The following ARHGEF17 variants were observed in gnomAD, a reference collection of about 807,000 sequenced individuals.
ARHGEF17 encodes Rho guanine nucleotide exchange factor 17.
ARHGEF17 carries 80 observed loss-of-function variants against 174.0 expected under a neutral mutation model. The observed-to-expected ratio is 0.46, with a 90% CI of 0.38 to 0.55. ARHGEF17 has a LOEUF of 0.55. ARHGEF17 is among the 20% of genes least tolerant of loss of function. ARHGEF17 has a pLI of 0.00. For synonymous variants in ARHGEF17, 1,311 were observed against 1,189.1 expected (o/e 1.10, Z -2.11); for missense variants, 2,886 against 2,839.7 (o/e 1.02, Z -0.37).
rs577348062 is a variant in ARHGEF17 at position 73,356,355 on chromosome 11, C to T, written c.3840+4C>T. On this transcript the variant is annotated splice_donor_region_variant and intron_variant, in intron 6 of 20. Transcript: ENST00000263674. ...TCACATCGAGGGCATGGAGGATGTG[C>T]GTGCGCCCTGCCCCACCCCACCCTA... 60 of 1,604,804 alleles carry T rather than the reference C, an allele frequency of 3.7e-5. No homozygotes were observed. Among genetic ancestry groups the T allele is most frequent in the African/African-American group, 8.0e-5 (6 of 74,952 alleles).
intron 1 of ARHGEF17, among the ~76,000 whole-genome samples, chr11:73,341,180 A>T (rs1359277132): frequency 6.6e-6 from 1 of 152,168 alleles, no homozygotes; most frequent in Non-Finnish European, 1.5e-5. Flanking sequence ...ACTGCCATAC[A>T]TGGTTAAGGT....
intron 1 of ARHGEF17, among the ~76,000 whole-genome samples, chr11:73,334,995 TAGA>T (rs1865264097): frequency 1.3e-5 from 2 of 152,162 alleles, no homozygotes; most frequent in Non-Finnish European, 2.9e-5. Flanking sequence ...GAGCCAGTGT[TAGA>T]CATTTTGAAT....
intron 1 of ARHGEF17, among the ~76,000 whole-genome samples, chr11:73,332,830 C>T (rs1454826862): frequency 6.6e-6 from 1 of 152,174 alleles, no homozygotes; most frequent in Non-Finnish European, 1.5e-5. Flanking sequence ...AGGGCCTACC[C>T]AGGAGGCTTA....
intron 1 of ARHGEF17, among the ~76,000 whole-genome samples, chr11:73,334,340 G>T (rs1413162769): frequency 6.6e-6 from 1 of 152,142 alleles, no homozygotes; most frequent in Non-Finnish European, 1.5e-5. Flanking sequence ...AGAGCAAGGA[G>T]GGCAGCCCAG....
chr11:73,367,949 G>C lies in ARHGEF17; in HGVS notation c.*169G>C. The C allele has an allele frequency of 2.9e-6, 2 of 688,012 alleles. No individual in the cohort carries two copies. The highest frequency in any genetic ancestry group is 4.7e-6 in the Non-Finnish European group (2 of 429,762). 42.6% of individuals were successfully genotyped at this position (688,012 alleles called of 1,614,324 possible). A position where few individuals can be genotyped will look rare whatever the true frequency, so the allele number is the denominator to read the frequency against. On this transcript the variant is annotated 3_prime_UTR_variant, in exon 21 of 21. Transcript: ENST00000263674. Reference sequence around the variant, plus strand: ...AGCATTCCTGATGGAACACCCACTGGCCAGCCAGGCCATGGCTTCTCCCGA... The same window carrying C: ...AGCATTCCTGATGGAACACCCACTGCCCAGCCAGGCCATGGCTTCTCCCGA...
At chr11:73,329,308 A>C in intron 1 of ARHGEF17, among the ~76,000 whole-genome samples, 2 of 100,592 alleles carry the variant, frequency 2.0e-5, no homozygotes, top group Non-Finnish European at 1.8e-5. Flanking sequence ...CCTTATCAGT[A>C]TTTTGAGAGC....
In ARHGEF17 at chr11:73,311,511, G is replaced by A. The variant is rs766279549; in HGVS notation, c.2873G>A (p.Arg958His). 1 of 1,613,104 alleles carries A rather than the reference G, an allele frequency of 6.2e-7. No homozygotes were observed. Among genetic ancestry groups the A allele is most frequent in the East Asian group, 2.2e-5 (1 of 44,874 alleles). Residue 958 changes from arginine to histidine, a missense_variant, in exon 1 of 21, where the codon CGC becomes CAC. Arg to His is a conservative substitution (Grantham distance 29). Around this residue, in one of 4 missense-constraint regions of ARHGEF17, gnomAD observed 1,728 missense variants for 1,461.2 expected, o/e 1.18. Coordinates refer to ENST00000263674, the MANE Select transcript of ARHGEF17 (RefSeq NM_014786.4). ...GCCCGGCCCTCCTCCAGACACGTTC[G>A]CCATGCCAGTGTGCCCGCCACATTT... ...SRARPSSRHV[R>H]HASVPATFMP... is the part of the protein sequence containing the mutation.
rs552877720 is a variant in ARHGEF17, at chr11:73,354,228, G to A, written c.3453+1216G>A. Among the ~76,000 whole-genome samples, 4 of 152,306 alleles carry A rather than the reference G, an allele frequency of 2.6e-5. No homozygotes were observed. The South Asian group carries it at 8.3e-4, about 32-fold the overall frequency. ...TGTCTCCAGCCCATCATCACTCTCA[G>A]TGTCAGTAAGCTCAGCCCCCTGCCT... is the stretch of plus-strand genomic sequence containing the variant. On this transcript the variant is annotated intron_variant, in intron 3 of 20. Coordinates refer to ENST00000263674, the MANE Select transcript of ARHGEF17 (RefSeq NM_014786.4).
At position 73,317,124 on chromosome 11, in the gene ARHGEF17, AC is replaced by A. The variant is rs1284552582; in HGVS notation, c.3192+5299del. Among the ~76,000 whole-genome samples, 6 of 152,092 alleles carry A rather than the reference AC, an allele frequency of 3.9e-5. No homozygotes were observed. In the East Asian group the frequency reaches 1.2e-3, roughly 29 times the overall value. On this transcript the variant is annotated intron_variant, in intron 1 of 20. Coordinates refer to ENST00000263674, the MANE Select transcript of ARHGEF17 (RefSeq NM_014786.4). ...GACTGGGCTTTGCGCTACACTGGCC[AC>A]CCCCTGCAGACCCACATTGGCTTGG...
intron 3 of ARHGEF17, among the ~76,000 whole-genome samples, chr11:73,353,444 T>C (rs1318683261): frequency 1.3e-5 from 2 of 152,254 alleles, no homozygotes; most frequent in Non-Finnish European, 2.9e-5. Flanking sequence ...TGATGCTGGC[T>C]GAGTCTTGAC....
At chr11:73,366,048 C>T in intron 20 of ARHGEF17, 101 bp downstream of exon 20, 2 of 1,445,864 alleles carry the variant, frequency 1.4e-6, no homozygotes, top group Non-Finnish European at 1.9e-6. Flanking sequence ...GGAAAAGTGT[C>T]ACATAGAGCT....
rs1254276235 is a variant in ARHGEF17 at position 73,311,375 on chromosome 11, C to G, written c.2737C>G (p.Leu913Val). ...CCTTGACCCCAAGCTGGCTGACATTCTGTCCCCGAGGCTAATCCGCCGAGG... is the reference window on the plus strand; with the variant it reads ...CCTTGACCCCAAGCTGGCTGACATTGTGTCCCCGAGGCTAATCCGCCGAGG... ...FHLDPKLADI[L>V]SPRLIRRGSK... The change falls in exon 1 of 21, where the codon CTG becomes GTG. Residue 913 changes from leucine to valine, a missense_variant. Coordinates refer to ENST00000263674, the MANE Select transcript of ARHGEF17 (RefSeq NM_014786.4). The G allele has an allele frequency of 1.2e-6, 2 of 1,613,232 alleles. No individual in the cohort carries two copies. Among genetic ancestry groups the G allele is most frequent in the East Asian group, 2.2e-5 (1 of 44,896 alleles).
intron 3 of ARHGEF17, among the ~76,000 whole-genome samples, chr11:73,355,098 A>T (rs1865614712): frequency 6.6e-6 from 1 of 152,220 alleles, no homozygotes; most frequent in Non-Finnish European, 1.5e-5. Context: ...TTGGATGAGG[A>T]AGGGCATTCC....
rs2134422196 is a variant in ARHGEF17, at chr11:73,362,418, T to G, written c.4695-15T>G. ...GGCTCGTAGCTGCTGTCATCCTCAC[T>G]CCGTCTTCTCGCAGGGAGCCTCCTC... On this transcript the variant is annotated splice_polypyrimidine_tract_variant and intron_variant, in intron 13 of 20. Transcript: ENST00000263674. 2 of 1,533,342 alleles carry G rather than the reference T, an allele frequency of 1.3e-6. No homozygotes were observed. The highest frequency in any genetic ancestry group is 1.7e-6 in the Non-Finnish European group (2 of 1,145,988). The allele number at this position is 1,533,342 out of a possible 1,614,324, so 95.0% of individuals were successfully genotyped here. A position where few individuals can be genotyped will look rare whatever the true frequency, so the allele number is the denominator to read the frequency against.
Position 73,344,872 on chromosome 11 carries a change from G to A in ARHGEF17, c.3193-2011G>A, listed in dbSNP as rs143431141. Among the ~76,000 whole-genome samples, 930 of 152,300 alleles carry A rather than the reference G, an allele frequency of 6.1e-3. 9 individuals are homozygous for A. Among genetic ancestry groups the A allele is most frequent in the Middle Eastern group, 0.027 (8 of 294 alleles). On this transcript the variant is annotated intron_variant, in intron 1 of 20. Transcript: ENST00000263674. ...GGGCTGGGGCCCTGAGAGTCATGAGGTGGCTGAAGAGACCCTGGTCCTTGC... is the reference window on the plus strand; with the variant it reads ...GGGCTGGGGCCCTGAGAGTCATGAGATGGCTGAAGAGACCCTGGTCCTTGC...
chr11:73,344,240 TCCCCTGTCCACCC>T (rs1354855548), intron 1 of ARHGEF17, among the ~76,000 whole-genome samples: 1 of 152,102 alleles, frequency 6.6e-6, no homozygotes, highest in Non-Finnish European at 1.5e-5. Flanking sequence ...GCCTCCTGCC[TCCCCTGTCCACCC>T]CCGCAACCCC....
rs574724033 is a variant in ARHGEF17, at chr11:73,343,842, A to G, written c.3193-3041A>G. The stretch of plus-strand genomic sequence containing the variant: ...TGCTCCCGGCCCCAGTGGGGGCTGT[A>G]ATTCTGTCCCCTCCCCGTGCAATGA... On this transcript the variant is annotated intron_variant, in intron 1 of 20. Coordinates refer to ENST00000263674, the MANE Select transcript of ARHGEF17 (RefSeq NM_014786.4). Among the ~76,000 whole-genome samples the G allele has an allele frequency of 2.6e-5, 4 of 152,176 alleles. No homozygotes were observed. The East Asian group carries it at 7.7e-4, about 29-fold the overall frequency.
chr11:73,363,346 C>T lies in ARHGEF17; in HGVS notation c.5137C>T (p.Leu1713Phe), dbSNP rs769633075. ...CGTSPMDGRA[L>F]RRSSHGSFTR... ...CACCAGCCCAATGGATGGGAGAGCC[C>T]TTCGCCGCTCCAGCCACGGCTCCTT... The change falls in exon 15 of 21, where the codon CTT (leucine) becomes TTT (phenylalanine). Residue 1713 changes from leucine (L) to phenylalanine (F), a missense_variant. Physicochemically the swap from Leu to Phe is conservative, Grantham distance 22. This residue lies in a region of ARHGEF17 where 476 missense variants were observed against 473.1 expected (regional missense o/e 1.01). Transcript: ENST00000263674. The T allele has an allele frequency of 1.2e-6, 2 of 1,612,906 alleles. No individual in the cohort carries two copies. Among genetic ancestry groups the T allele is most frequent in the Non-Finnish European group, 8.5e-7 (1 of 1,179,850 alleles).
At chr11:73,347,857 T>G (rs1776674352) in intron 2 of ARHGEF17, among the ~76,000 whole-genome samples, 1 of 152,138 alleles carries the variant, frequency 6.6e-6, no homozygotes, top group African/African-American at 2.4e-5. Flanking sequence ...AAGGGAGTGC[T>G]GGGGACAGAC....
Sources: gnomAD v4.1 joint callset for allele counts (sites outside exome capture counted in the v4.1 genomes callset) on GRCh38, gnomAD v4.1.1 for gene constraint, gnomAD v4.1.1 regional missense constraint, MANE v1.5 for transcripts, NCBI Gene and HGNC (gene_info 2026-07-23, HGNC 2026-07-21) for gene names.